The following NHSL1 variants were observed in gnomAD, a reference collection of about 807,000 sequenced individuals.
The protein encoded by NHSL1 is NHS like 1.
NHSL1 carries 48 observed loss-of-function variants against 95.0 expected under a neutral mutation model. The ratio of observed to expected loss-of-function variants is 0.51; its 90% CI spans 0.40 to 0.64. NHSL1 has a LOEUF of 0.64. NHSL1 is among the 30% of genes least tolerant of loss of function. The pLI is 0.00. For synonymous variants in NHSL1, 783 were observed against 833.9 expected (o/e 0.94, Z 1.05); for missense variants, 1,971 against 2,077.7 (o/e 0.95, Z 1.00).
At chr6:138,675,446 G>A (rs1352227171) in intron 1 of NHSL1, among the ~76,000 whole-genome samples, 1 of 152,142 alleles carries the variant, frequency 6.6e-6, no homozygotes, top group Non-Finnish European at 1.5e-5. Context: ...TTAGGGAAGA[G>A]GGTGGGAGGA....
At chr6:138,441,110 A>G (rs1199716351) in intron 5 of NHSL1, among the ~76,000 whole-genome samples, 1 of 152,214 alleles carries the variant, frequency 6.6e-6, no homozygotes, top group Non-Finnish European at 1.5e-5. Flanking sequence ...TTCTATTAAC[A>G]TCACCAAGCC....
intron 1 of NHSL1, among the ~76,000 whole-genome samples, chr6:138,507,579 A>G (rs998313709): frequency 6.6e-6 from 1 of 152,252 alleles, no homozygotes; most frequent in Non-Finnish European, 1.5e-5. Context: ...TTACAGTTGC[A>G]TAATGAGGTA....
chr6:138,638,907 C>T (rs188776473), intron 1 of NHSL1, among the ~76,000 whole-genome samples: 1 of 152,274 alleles, frequency 6.6e-6, no homozygotes, highest in African/African-American at 2.4e-5. Context: ...GTTCTGGGCT[C>T]CCAGAAGTCA....
intron 1 of NHSL1, among the ~76,000 whole-genome samples, chr6:138,510,009 C>A (rs1277737614): frequency 6.6e-6 from 1 of 152,120 alleles, no homozygotes; most frequent in Admixed American, 6.6e-5. Context: ...ATCACTCTGT[C>A]CAAGAATACA....
At chr6:138,530,378 A>C (rs1782083257) in intron 1 of NHSL1, among the ~76,000 whole-genome samples, 1 of 152,232 alleles carries the variant, frequency 6.6e-6, no homozygotes, top group African/African-American at 2.4e-5. Flanking sequence ...AGATTCCTTA[A>C]AGAACTCAAA....
intron 1 of NHSL1, among the ~76,000 whole-genome samples, chr6:138,621,850 C>A (rs1288506402): frequency 2.6e-5 from 4 of 152,228 alleles, no homozygotes; most frequent in Non-Finnish European, 5.9e-5. Context: ...CACAGAAAGG[C>A]CACGCTTCAG....
intron 1 of NHSL1, among the ~76,000 whole-genome samples, chr6:138,567,189 G>A (rs572069249): frequency 6.6e-6 from 1 of 152,082 alleles, no homozygotes; most frequent in East Asian, 1.9e-4. Context: ...ATGCAGTGGT[G>A]TGATCTCGGC....
At chr6:138,671,949 G>A (rs376828300) in intron 1 of NHSL1, among the ~76,000 whole-genome samples, 1 of 54,252 alleles carries the variant, frequency 1.8e-5, no homozygotes, top group African/African-American at 1.7e-4. Context: ...CCTATAGGGG[G>A]GTGGGTTGAG....
chr6:138,573,968 T>C (rs1199241331), upstream of NHSL1, among the ~76,000 whole-genome samples: 2 of 152,194 alleles, frequency 1.3e-5, no homozygotes, highest in Non-Finnish European at 2.9e-5. Flanking sequence ...AGACAGAGTC[T>C]CACTCTGTCG....
At chr6:138,607,001 G>T (rs1026177448) in intron 1 of NHSL1, among the ~76,000 whole-genome samples, 3 of 152,074 alleles carry the variant, frequency 2.0e-5, no homozygotes, top group African/African-American at 7.2e-5. Context: ...TCCACGCCCG[G>T]CCCCCATGCT....
At chr6:138,667,245 G>A (rs1012346184) in intron 1 of NHSL1, among the ~76,000 whole-genome samples, 75 of 152,166 alleles carry the variant, frequency 4.9e-4, no homozygotes, top group African/African-American at 1.7e-3. Context: ...TGTAGAAAGA[G>A]GCAAGAGGAG....
chr6:138,534,408 T>G (rs575217125), intron 1 of NHSL1, among the ~76,000 whole-genome samples: 2 of 152,250 alleles, frequency 1.3e-5, no homozygotes, highest in South Asian at 4.1e-4. Context: ...CTCAGTGAGT[T>G]GGGTTGGATC....
intron 1 of NHSL1, among the ~76,000 whole-genome samples, chr6:138,626,673 C>G (rs1784741905): frequency 1.4e-5 from 1 of 71,512 alleles, no homozygotes; most frequent in Non-Finnish European, 2.7e-5. Context: ...GCGGGCGGAT[C>G]ACGAGGTCAG....
At chr6:138,606,150 A>T (rs563134632) in intron 1 of NHSL1, among the ~76,000 whole-genome samples, 1 of 152,278 alleles carries the variant, frequency 6.6e-6, no homozygotes, top group South Asian at 2.1e-4. Context: ...CCACAGAATG[A>T]CAAGCCACCC....
chr6:138,511,837 A>G (rs1032934681), intron 1 of NHSL1, among the ~76,000 whole-genome samples: 3 of 152,094 alleles, frequency 2.0e-5, no homozygotes, highest in African/African-American at 7.2e-5. Flanking sequence ...CTGCCTAGGA[A>G]GCCAAGGTTG....
intron 7 of NHSL1, among the ~76,000 whole-genome samples, 184 bp downstream of exon 7, chr6:138,429,527 G>A (rs1775485758): frequency 6.6e-6 from 1 of 152,120 alleles, no homozygotes; most frequent in African/African-American, 2.4e-5. Context: ...GTGAGACAAA[G>A]TAAAACAGAA....
At chr6:138,600,040 A>T (rs1210532573) in intron 1 of NHSL1, among the ~76,000 whole-genome samples, 1 of 151,952 alleles carries the variant, frequency 6.6e-6, no homozygotes, top group Admixed American at 6.6e-5. Context: ...GCTACTAGGG[A>T]GGCTGAGGCA....
chr6:138,578,164 G>A (rs902300164), intron 1 of NHSL1, among the ~76,000 whole-genome samples: 1 of 152,300 alleles, frequency 6.6e-6, no homozygotes, highest in African/African-American at 2.4e-5. Flanking sequence ...CCCTCAAAGG[G>A]AAAGACTCAA....
intron 1 of NHSL1, among the ~76,000 whole-genome samples, chr6:138,613,231 G>A (rs186232546): frequency 1.3e-5 from 2 of 152,316 alleles, no homozygotes; most frequent in African/African-American, 4.8e-5. Flanking sequence ...AACATTTTAG[G>A]TAGTTGTGCC....
Sources: allele counts gnomAD v4.1 joint callset (sites outside exome capture counted in the v4.1 genomes callset), GRCh38; gene constraint gnomAD v4.1.1; transcripts MANE v1.5; gene names NCBI Gene and HGNC (gene_info 2026-07-23, HGNC 2026-07-21).